Variants in PCDHA3 observed in about 807,000 individuals in gnomAD.
PCDHA3 encodes protocadherin alpha 3.
Under a neutral mutation model 62.2 loss-of-function variants are expected in PCDHA3, and 41 were observed. The observed-to-expected ratio is 0.66, with a 90% CI of 0.51 to 0.86. The LOEUF (loss-of-function observed/expected upper bound fraction) is 0.86. Among genes scored for constraint, PCDHA3 ranks in the 40% least tolerant of loss-of-function variants. PCDHA3 has a pLI of 0.00. For synonymous variants in PCDHA3, 640 were observed against 555.4 expected (o/e 1.15, Z -2.14); for missense variants, 1,304 against 1,241.2 (o/e 1.05, Z -0.76).
At chr5:140,823,338 G>C (rs149205606) in intron 1 of PCDHA3, 29 of 1,612,112 alleles carry the variant, frequency 1.8e-5, no homozygotes, top group Non-Finnish European at 2.4e-5. Context: ...CGCTGCAGCC[G>C]CTGGACCACG....
intron 1 of PCDHA3, chr5:140,870,222 G>A: frequency 6.2e-7 from 1 of 1,614,180 alleles, no homozygotes; most frequent in African/African-American, 1.3e-5. Flanking sequence ...TGATCAGCGT[G>A]TCTGACCGTG....
chr5:140,974,330 A>G (rs542172748), intron 1 of PCDHA3, among the ~76,000 whole-genome samples: 1 of 152,346 alleles, frequency 6.6e-6, no homozygotes, highest in African/African-American at 2.4e-5. Flanking sequence ...CTGCTGTGCT[A>G]GCAGGCTATG....
At chr5:140,845,196 T>C (rs1470721997) in intron 1 of PCDHA3, among the ~76,000 whole-genome samples, 3 of 149,356 alleles carry the variant, frequency 2.0e-5, no homozygotes, top group African/African-American at 7.4e-5. Flanking sequence ...AATATGATTG[T>C]TTTCATTTAA....
rs1554169418 is a variant in PCDHA3 at position 140,877,179 on chromosome 5, G to C, written c.2394+73588G>C. 3 of 1,613,712 alleles carry C rather than the reference G, an allele frequency of 1.9e-6. No individual in the cohort carries two copies. The South Asian group carries it at 3.3e-5, about 18-fold the overall frequency. ...ACGCGCCGGCACTGCTGGCGACTCCGGCTGGCAGCGCAGGAGGCGCAGTTA... is the reference window on the plus strand; with the variant it reads ...ACGCGCCGGCACTGCTGGCGACTCCCGCTGGCAGCGCAGGAGGCGCAGTTA... On this transcript the variant is annotated intron_variant, in intron 1 of 3. Coordinates refer to ENST00000522353, the MANE Select transcript of PCDHA3 (RefSeq NM_018906.3).
intron 1 of PCDHA3, chr5:140,870,796 C>A (rs1581985922): frequency 6.2e-7 from 1 of 1,613,576 alleles, no homozygotes; most frequent in South Asian, 1.1e-5. Context: ...GCCGGCACTG[C>A]TGGCGACTCA....
chr5:140,856,859 G>A, intron 1 of PCDHA3: 1 of 1,594,674 alleles, frequency 6.3e-7, no homozygotes, highest in African/African-American at 1.3e-5. Flanking sequence ...TTCGGATGAA[G>A]GAATAAACAA....
chr5:140,809,162 C>G (rs782482719), intron 1 of PCDHA3: 1 of 1,614,004 alleles, frequency 6.2e-7, no homozygotes. Flanking sequence ...CGAGCCCGCG[C>G]TGACGGCCAC....
At chr5:141,000,609 G>A (rs2097951405) in intron 3 of PCDHA3, among the ~76,000 whole-genome samples, 1 of 150,600 alleles carries the variant, frequency 6.6e-6, no homozygotes. Context: ...TGTATTTTTA[G>A]TAGAGACAGG....
At chr5:140,858,376 A>G in intron 1 of PCDHA3, 2 of 1,587,998 alleles carry the variant, frequency 1.3e-6, no homozygotes. Flanking sequence ...GCCTTCCACC[A>G]TGCCCAATGG....
rs781828358 is a variant in PCDHA3 at position 140,809,405 on chromosome 5, G to C, written c.2394+5814G>C. 39 of 1,614,088 alleles carry C rather than the reference G, an allele frequency of 2.4e-5. No individual in the cohort carries two copies. The highest frequency in any genetic ancestry group is 3.0e-5 in the Non-Finnish European group (35 of 1,180,022). ...GTGCGCTCCGGGCAAGCCCACGCTG[G>C]TGTGCTCCAGTGCGGTGGGGAGCTG... is the stretch of plus-strand genomic sequence containing the variant. On this transcript the variant is annotated intron_variant, in intron 1 of 3. Transcript: ENST00000522353.
intron 1 of PCDHA3, chr5:140,834,412 G>A (rs2150217251): frequency 3.1e-6 from 5 of 1,611,044 alleles, no homozygotes; most frequent in Non-Finnish European, 4.2e-6. Context: ...TACGACCCAG[G>A]GGGCCGACAT....
chr5:140,848,428 C>T, intron 1 of PCDHA3: 1 of 1,450,060 alleles, frequency 6.9e-7, no homozygotes, highest in Non-Finnish European at 9.4e-7. Flanking sequence ...ATGGGACTGA[C>T]GAAATCAGAT....
chr5:140,915,626 GTCTC>G (rs57920489), intron 1 of PCDHA3, among the ~76,000 whole-genome samples: 182 of 146,478 alleles, frequency 1.2e-3, no homozygotes, highest in East Asian at 9.3e-3. Flanking sequence ...GTCTCTTTCT[GTCTC>G]TCTCTCTCTC....
At position 140,802,874 on chromosome 5, in the gene PCDHA3, C is replaced by T. The variant is rs368728288; in HGVS notation, c.1677C>T (p.Asn559=). The T allele has an allele frequency of 3.6e-5, 58 of 1,613,728 alleles. No individual in the cohort carries two copies. The East Asian group carries it at 4.7e-4, about 13-fold the overall frequency. The change falls in exon 1 of 4, where the codon AAC becomes AAT. Residue 559 remains asparagine, a synonymous_variant. Transcript: ENST00000522353. ...TGCAGGTGTTCGTGCTGGACGAGAA[C>T]GACAACGCGCCGGCACTGCTGATGC... ...VTLQVFVLDE[N]DNAPALLMPR...
At chr5:140,969,091 G>A (rs1554231442) in intron 1 of PCDHA3, 3 of 1,614,152 alleles carry the variant, frequency 1.9e-6, no homozygotes, top group Admixed American at 1.7e-5. Context: ...TCAAAGTGCA[G>A]CCTCACTTCA....
intron 1 of PCDHA3, chr5:140,867,317 CTAA>C (rs1554161223): frequency 6.6e-6 from 1 of 151,956 alleles, no homozygotes; most frequent in African/African-American, 2.4e-5. Flanking sequence ...GTCATCTGGT[CTAA>C]TGTTATGTTT....
chr5:140,838,373 C>T (rs1280236434), intron 1 of PCDHA3, among the ~76,000 whole-genome samples: 1 of 151,416 alleles, frequency 6.6e-6, no homozygotes, highest in South Asian at 2.1e-4. Context: ...ATCTGACTGC[C>T]TCAGCCTCCC....
intron 1 of PCDHA3, chr5:140,842,066 G>A: frequency 6.2e-7 from 1 of 1,613,874 alleles, no homozygotes; most frequent in Non-Finnish European, 8.5e-7. Flanking sequence ...TGAATACGAA[G>A]TAAGAATATT....
intron 1 of PCDHA3, chr5:140,967,972 G>C: frequency 1.2e-6 from 2 of 1,614,190 alleles, no homozygotes; most frequent in Non-Finnish European, 1.7e-6. Flanking sequence ...AAGTGAGCCT[G>C]GGTCTGGAGG....
Sources: gnomAD v4.1 joint callset for allele counts (sites outside exome capture counted in the v4.1 genomes callset) on GRCh38, gnomAD v4.1.1 for gene constraint, MANE v1.5 for transcripts, NCBI Gene and HGNC (gene_info 2026-07-23, HGNC 2026-07-21) for gene names.